PCSK2: variants seen among roughly 807,000 people sequenced by gnomAD.
PCSK2 encodes the protein proprotein convertase subtilisin/kexin type 2, also known as neuroendocrine convertase 2.
Under a neutral mutation model 69.7 loss-of-function variants are expected in PCSK2, and 14 were observed. That is an observed-to-expected ratio of 0.20 (90% confidence interval 0.13 to 0.31). PCSK2 has a LOEUF of 0.31. Among genes scored for constraint, PCSK2 ranks in the 10% least tolerant of loss-of-function variants. The probability of loss-of-function intolerance (pLI) is 1.00; values close to 1 mark genes in which losing one functional copy is unlikely to be tolerated. For synonymous variants in PCSK2, 307 were observed against 320.7 expected (o/e 0.96, Z 0.46); for missense variants, 544 against 842.5 (o/e 0.65, Z 4.39).
chr20:17,410,399 G>A lies in PCSK2; in HGVS notation c.620+1060G>A, dbSNP rs571594179. ...AGGGTAGAGCCTCAGTGGACAGGAA[G>A]CTTAGATTCTGTCTCTAAAGTTAGC... On this transcript the variant is annotated intron_variant, in intron 6 of 11. Transcript: ENST00000262545. 1.4e-4 allele frequency among the ~76,000 whole-genome samples: 21 copies of A among 152,302 alleles called. No homozygotes were observed. In the South Asian group the frequency reaches 4.1e-3, roughly 30 times the overall value.
Position 17,270,642 on chromosome 20 carries a change from AG to A in PCSK2, c.282+10301del, listed in dbSNP as rs540409472. 1.4e-4 allele frequency among the ~76,000 whole-genome samples: 22 copies of A among 152,236 alleles called. No individual in the cohort carries two copies. The East Asian group carries it at 4.3e-3, about 29-fold the overall frequency. ...AAATAGTTTTCCATTCCCCCTGAAA[AG>A]GGAGAGCAGTCCATCCCAAGTAAAG... is the stretch of plus-strand genomic sequence containing the variant. On this transcript the variant is annotated intron_variant, in intron 2 of 11. Coordinates refer to ENST00000262545, the MANE Select transcript of PCSK2 (RefSeq NM_002594.5).
chr20:17,313,570 C>T lies in PCSK2; in HGVS notation c.283-44757C>T, dbSNP rs114231806. ...CTGGCAAACAAGAAAAACATAAGCT[C>T]ATTTTTCTCCCCCTCATCAACCTCA... On this transcript the variant is annotated intron_variant, in intron 2 of 11. Transcript: ENST00000262545. Among the ~76,000 whole-genome samples, 884 of 152,266 alleles carry T rather than the reference C, an allele frequency of 5.8e-3. 6 individuals are homozygous for T. Among genetic ancestry groups the T allele is most frequent in the African/African-American group, 0.019 (807 of 41,552 alleles).
Position 17,456,362 on chromosome 20 carries a change from G to A in PCSK2, c.1116G>A (p.Leu372=). The part of the protein sequence containing the change: ...NPEAGVATTD[L]YGNCTLRHSG... ...TTCCCTTCCAGGCAACCACAGATTT[G>A]TACGGCAACTGCACTCTGAGGCATT... is the stretch of plus-strand genomic sequence containing the variant. The change falls in exon 10 of 12, where the codon TTG becomes TTA. Residue 372 remains leucine (L), a synonymous_variant. Coordinates refer to ENST00000262545, the MANE Select transcript of PCSK2 (RefSeq NM_002594.5). 1 of 1,609,572 alleles carries A rather than the reference G, an allele frequency of 6.2e-7. No homozygotes were observed. The highest frequency in any genetic ancestry group is 8.5e-7 in the Non-Finnish European group (1 of 1,175,844).
intron 8 of PCSK2, among the ~76,000 whole-genome samples, chr20:17,444,526 G>A (rs1179900523): frequency 6.6e-6 from 1 of 152,198 alleles, no homozygotes; most frequent in African/African-American, 2.4e-5. Flanking sequence ...TTTTCACGTT[G>A]TATATGGGAA....
At chr20:17,297,801 T>TA (rs2123080861) in intron 2 of PCSK2, among the ~76,000 whole-genome samples, 1 of 152,374 alleles carries the variant, frequency 6.6e-6, no homozygotes, top group East Asian at 1.9e-4. Flanking sequence ...ATCAGCCTGA[T>TA]ACACCTTTGC....
intron 4 of PCSK2, among the ~76,000 whole-genome samples, chr20:17,368,671 A>G (rs532183589): frequency 6.6e-6 from 1 of 152,282 alleles, no homozygotes; most frequent in Admixed American, 6.5e-5. Flanking sequence ...GCCACCATTC[A>G]GGAGAAAGCA....
chr20:17,331,055 CCACAGTGAGAAT>C (rs540115268), intron 2 of PCSK2, among the ~76,000 whole-genome samples: 241 of 152,244 alleles, frequency 1.6e-3, no homozygotes, highest in African/African-American at 5.7e-3. Context: ...CTTTTAGTCT[CCACAGTGAGAAT>C]CAGTCATAGG....
chr20:17,244,603 T>C (rs2122961313), intron 1 of PCSK2, among the ~76,000 whole-genome samples: 1 of 152,334 alleles, frequency 6.6e-6, no homozygotes, highest in Middle Eastern at 3.4e-3. Context: ...ATTTTCGTTT[T>C]ACTTCTGGAT....
intron 2 of PCSK2, among the ~76,000 whole-genome samples, chr20:17,319,320 C>A (rs945306119): frequency 4.6e-5 from 7 of 152,142 alleles, no homozygotes; most frequent in Non-Finnish European, 8.8e-5. Flanking sequence ...ATGAGTTCCG[C>A]TAGGCGGATC....
chr20:17,285,470 A>T (rs774165077), intron 2 of PCSK2, among the ~76,000 whole-genome samples: 10 of 152,328 alleles, frequency 6.6e-5, no homozygotes, highest in Admixed American at 2.0e-4. Context: ...GTGATGTAGA[A>T]CTTTAGCATG....
chr20:17,315,590 T>G (rs1334640801), intron 2 of PCSK2, among the ~76,000 whole-genome samples: 1 of 152,160 alleles, frequency 6.6e-6, no homozygotes, highest in Non-Finnish European at 1.5e-5. Flanking sequence ...GGGGCGGAGC[T>G]GAGGGGCCCA....
chr20:17,289,182 A>G (rs1374895144), intron 2 of PCSK2, among the ~76,000 whole-genome samples: 1 of 152,222 alleles, frequency 6.6e-6, no homozygotes, highest in Admixed American at 6.5e-5. Flanking sequence ...ACTTTGCTCA[A>G]TCACTTAGCC....
At chr20:17,270,207 T>A (rs959943207) in intron 2 of PCSK2, among the ~76,000 whole-genome samples, 1 of 152,160 alleles carries the variant, frequency 6.6e-6, no homozygotes, top group Non-Finnish European at 1.5e-5. Flanking sequence ...AAATTTTTTT[T>A]AATACTCTTT....
In PCSK2 at chr20:17,254,512, G is replaced by T. The variant is rs541155285; in HGVS notation, c.178-5728G>T. ...GTTGAAAATCAATTGACCATAAGTT[G>T]ATTATCATAAATTATTTCTGGATTC... On this transcript the variant is annotated intron_variant, in intron 1 of 11. Coordinates refer to ENST00000262545, the MANE Select transcript of PCSK2 (RefSeq NM_002594.5). Among the ~76,000 whole-genome samples the T allele has an allele frequency of 7.2e-5, 11 of 152,202 alleles. No homozygotes were observed. In the South Asian group the frequency reaches 2.3e-3, roughly 32 times the overall value.
At chr20:17,279,394 G>T (rs1473710022) in intron 2 of PCSK2, among the ~76,000 whole-genome samples, 2 of 152,078 alleles carry the variant, frequency 1.3e-5, no homozygotes, top group South Asian at 2.1e-4. Flanking sequence ...TTTGCTCTTA[G>T]TTCTCTGCAT....
At chr20:17,403,234 TC>T (rs2031682632) in intron 5 of PCSK2, among the ~76,000 whole-genome samples, 1 of 152,234 alleles carries the variant, frequency 6.6e-6, no homozygotes, top group Admixed American at 6.5e-5. Context: ...TGACTATGTA[TC>T]TTTTTCTAAA....
At chr20:17,335,214 C>T (rs368785218) in intron 2 of PCSK2, among the ~76,000 whole-genome samples, 1 of 151,846 alleles carries the variant, frequency 6.6e-6, no homozygotes, top group Admixed American at 6.6e-5. Flanking sequence ...TCTGAAGACT[C>T]AACAGGGCTG....
chr20:17,429,838 T>A (rs1221284341), intron 7 of PCSK2, among the ~76,000 whole-genome samples: 1 of 152,146 alleles, frequency 6.6e-6, no homozygotes, highest in Non-Finnish European at 1.5e-5. Context: ...TTCCAGTTAC[T>A]ACTCTGACAC....
chr20:17,404,642 A>T (rs534722676), intron 5 of PCSK2, among the ~76,000 whole-genome samples: 4 of 152,310 alleles, frequency 2.6e-5, no homozygotes, highest in South Asian at 4.1e-4. Flanking sequence ...TTCATACCAG[A>T]TTCAGTGGCT....
Sources: gnomAD v4.1 joint callset for allele counts (sites outside exome capture counted in the v4.1 genomes callset) on GRCh38, gnomAD v4.1.1 for gene constraint, MANE v1.5 for transcripts, NCBI Gene and HGNC (gene_info 2026-07-23, HGNC 2026-07-21) for gene names.